PCBP3: variants seen among roughly 807,000 people sequenced by gnomAD.
PCBP3 encodes the protein poly(rC)-binding protein 3.
In PCBP3, 25 loss-of-function variants were observed where a neutral mutation model predicts 52.7. The ratio of observed to expected loss-of-function variants is 0.47; its 90% CI spans 0.35 to 0.66. PCBP3 has a LOEUF of 0.66. Among genes scored for constraint, PCBP3 ranks in the 30% least tolerant of loss-of-function variants. PCBP3 has a pLI of 0.01. For missense variants in PCBP3, 391 were observed against 490.3 expected, an observed-to-expected ratio of 0.80 and a Z score of 1.91; for synonymous variants, 162 against 183.0, an observed-to-expected ratio of 0.89 and a Z score of 0.93.
chr21:45,818,313 G>C (rs564860701), intron 4 of PCBP3, among the ~76,000 whole-genome samples: 1 of 152,134 alleles, frequency 6.6e-6, no homozygotes, highest in Admixed American at 6.5e-5. Context: ...GAGCCACCGC[G>C]CCGGCCTGGT....
chr21:45,747,598 G>A (rs1174114833), intron 3 of PCBP3, among the ~76,000 whole-genome samples: 1 of 152,264 alleles, frequency 6.6e-6, no homozygotes, highest in Non-Finnish European at 1.5e-5. Context: ...GAACCAGGAG[G>A]GCCAGGGAAG....
intron 11 of PCBP3, 30 bp downstream of exon 11, chr21:45,911,060 G>C (rs373697853): frequency 6.2e-7 from 1 of 1,603,630 alleles, no homozygotes; most frequent in South Asian, 1.1e-5. Flanking sequence ...GCCAGCCCAC[G>C]TCAGTGCTGG....
chr21:45,734,294 T>C (rs1040984034), intron 2 of PCBP3, among the ~76,000 whole-genome samples: 1 of 152,214 alleles, frequency 6.6e-6, no homozygotes, highest in Non-Finnish European at 1.5e-5. Context: ...TCTGTACTTT[T>C]TCTTTTCATT....
intron 3 of PCBP3, among the ~76,000 whole-genome samples, chr21:45,755,206 A>G (rs906466269): frequency 2.0e-5 from 3 of 152,186 alleles, no homozygotes; most frequent in East Asian, 3.8e-4. Flanking sequence ...AGCATGTGAC[A>G]TTTTGACTCT....
At chr21:45,906,466 C>T (rs533753995) in intron 9 of PCBP3, among the ~76,000 whole-genome samples, 2 of 152,038 alleles carry the variant, frequency 1.3e-5, no homozygotes, top group Non-Finnish European at 2.9e-5. Context: ...AGGCCTTGGA[C>T]AGGGGCCGTT....
At chr21:45,689,700 A>C (rs1039807140) in intron 2 of PCBP3, among the ~76,000 whole-genome samples, 1 of 152,154 alleles carries the variant, frequency 6.6e-6, no homozygotes, top group East Asian at 1.9e-4. Flanking sequence ...ATACAAGTTC[A>C]ATATATAAAG....
chr21:45,815,167 G>A (rs1309095877), intron 4 of PCBP3, among the ~76,000 whole-genome samples: 1 of 74,332 alleles, frequency 1.3e-5, no homozygotes. Flanking sequence ...GGTGAGTAGT[G>A]AGTGGTGAGT....
rs988485781 is a variant in PCBP3, at chr21:45,800,024, T to C, written c.-126+44572T>C. The stretch of plus-strand genomic sequence containing the variant: ...GGGTCCTCTCAGCTCCCGCGCCCTC[T>C]GCCCACAGCTTGTTCTCTCACTGTG... On this transcript the variant is annotated intron_variant, in intron 4 of 17. Coordinates refer to ENST00000681687, the MANE Select transcript of PCBP3 (RefSeq NM_001384156.1). This position sits in a 1 kb window ranked among gnomAD's most constrained non-coding sequence, Gnocchi z 5.3. Among the ~76,000 whole-genome samples the C allele has an allele frequency of 1.3e-5, 2 of 152,154 alleles. No homozygotes were observed. Among genetic ancestry groups the C allele is most frequent in the Non-Finnish European group, 2.9e-5 (2 of 68,010 alleles).
chr21:45,649,527 A>G (rs899513077), intron 1 of PCBP3, among the ~76,000 whole-genome samples: 2 of 152,236 alleles, frequency 1.3e-5, no homozygotes, highest in Non-Finnish European at 2.9e-5. Flanking sequence ...TTTATTGAAT[A>G]CAGTCCTTTC....
Position 45,942,100 on chromosome 21 carries a change from T to A in PCBP3, c.*394T>A. On this transcript the variant is annotated 3_prime_UTR_variant, in exon 18 of 18. Transcript: ENST00000681687. Reference sequence around the variant, plus strand: ...TCCAGAACCGTCCAGAACTGTTGCCTGAGACCCCTCCTCTCTCACACAGCC... The same window carrying A: ...TCCAGAACCGTCCAGAACTGTTGCCAGAGACCCCTCCTCTCTCACACAGCC... The A allele has an allele frequency of 1.1e-5, 2 of 182,342 alleles. No individual in the cohort carries two copies. The highest frequency in any genetic ancestry group is 1.1e-5 in the Non-Finnish European group (1 of 88,208). The allele number at this position is 182,342 out of a possible 1,614,324, so 11.3% of individuals were successfully genotyped here.
intron 5 of PCBP3, chr21:45,873,374 C>G (rs559012607): frequency 6.6e-6 from 1 of 152,216 alleles, no homozygotes; most frequent in Non-Finnish European, 1.5e-5. Flanking sequence ...TTTCTGTCCC[C>G]TCACAGTGTC....
At chr21:45,804,902 C>T (rs973829531) in intron 4 of PCBP3, among the ~76,000 whole-genome samples, 2 of 152,168 alleles carry the variant, frequency 1.3e-5, no homozygotes, top group Non-Finnish European at 2.9e-5. Flanking sequence ...GTCAGGCTTA[C>T]CAGCTCAGAG....
In PCBP3 at chr21:45,815,710, G is replaced by A. The variant is rs1333217246; in HGVS notation, c.-125-34251G>A. 1.0e-4 allele frequency among the ~76,000 whole-genome samples: 9 copies of A among 87,528 alleles called. No homozygotes were observed. In the East Asian group the frequency reaches 1.3e-3, roughly 13 times the overall value. The allele number at this position is 87,528 out of a possible 152,430, so 57.4% of individuals were successfully genotyped here. A position where few individuals can be genotyped will look rare whatever the true frequency, so the allele number is the denominator to read the frequency against. On this transcript the variant is annotated intron_variant, in intron 4 of 17. Coordinates refer to ENST00000681687, the MANE Select transcript of PCBP3 (RefSeq NM_001384156.1). ...GTGAGTGGTGAGTGAGTGGTGAGTA[G>A]TGAGTGATGAGTGGTGAGTGGTGAG... is the stretch of plus-strand genomic sequence containing the variant.
In PCBP3 at chr21:45,917,667, C is replaced by T. The variant is rs2073716898; in HGVS notation, c.717+38C>T. On this transcript the variant is annotated intron_variant, in intron 13 of 17. Coordinates refer to ENST00000681687, the MANE Select transcript of PCBP3 (RefSeq NM_001384156.1). This position sits in a 1 kb window ranked among gnomAD's most constrained non-coding sequence, Gnocchi z 5.3. ...TTTGTCTTCCTCTCACCTTTCTCTT[C>T]TCATGGTTGTTTACCTACCTGCATG... 1 of 1,541,888 alleles carries T rather than the reference C, an allele frequency of 6.5e-7. No homozygotes were observed.
At chr21:45,857,413 G>A (rs1004145136) in intron 5 of PCBP3, among the ~76,000 whole-genome samples, 12 of 152,186 alleles carry the variant, frequency 7.9e-5, no homozygotes, top group African/African-American at 2.4e-4. Context: ...GAGTCCTCAC[G>A]GAGGCCCCTC....
intron 2 of PCBP3, among the ~76,000 whole-genome samples, chr21:45,681,164 A>G (rs1373547388): frequency 6.6e-6 from 1 of 152,220 alleles, no homozygotes; most frequent in Non-Finnish European, 1.5e-5. Flanking sequence ...GCCACTCTTA[A>G]CACCACTACA....
Position 45,897,752 on chromosome 21 carries a change from T to C in PCBP3, c.165+1390T>C, listed in dbSNP as rs1448614158. Among the ~76,000 whole-genome samples, 3 of 152,108 alleles carry C rather than the reference T, an allele frequency of 2.0e-5. No individual in the cohort carries two copies. The East Asian group carries it at 5.8e-4, about 29-fold the overall frequency. On this transcript the variant is annotated intron_variant, in intron 6 of 17. Transcript: ENST00000681687. Reference sequence around the variant, plus strand: ...TTCTGGAAGCCAGGATGCATGGTGCTCCTGGGCTGCTGTGGGTCCTGGGCT... The same window carrying C: ...TTCTGGAAGCCAGGATGCATGGTGCCCCTGGGCTGCTGTGGGTCCTGGGCT...
At chr21:45,918,080 T>A in intron 13 of PCBP3, 2 of 260,330 alleles carry the variant, frequency 7.7e-6, no homozygotes, top group South Asian at 4.6e-5. Flanking sequence ...CCTTTCAGAG[T>A]CCACATGAAA....
At chr21:45,932,847 G>A (rs2076437627) in intron 15 of PCBP3, among the ~76,000 whole-genome samples, 2 of 151,842 alleles carry the variant, frequency 1.3e-5, no homozygotes, top group Non-Finnish European at 2.9e-5. Flanking sequence ...GAACACCTGG[G>A]CCTTGCCGTC....
Sources: gnomAD v4.1 joint callset for allele counts (sites outside exome capture counted in the v4.1 genomes callset) on GRCh38, gnomAD v4.1.1 for gene constraint, Gnocchi (gnomAD v3.1) non-coding constraint, MANE v1.5 for transcripts, NCBI Gene and HGNC (gene_info 2026-07-23, HGNC 2026-07-21) for gene names.